The following XXYLT1 variants were observed in gnomAD, a reference collection of about 807,000 sequenced individuals.
XXYLT1 encodes UDP-xylose:alpha-xyloside alpha-1,3-xylosyltransferase.
XXYLT1 carries 20 observed loss-of-function variants against 28.9 expected under a neutral mutation model. That is an observed-to-expected ratio of 0.69 (90% CI 0.49 to 1.00). The LOEUF is 1.00. Ranked by LOEUF, XXYLT1 falls within the 50% of genes least tolerant of loss-of-function variation. The pLI, the probability that XXYLT1 is intolerant of heterozygous loss-of-function variation, is 0.00. For missense variants in XXYLT1, 542 were observed against 560.1 expected (o/e 0.97, Z 0.33); for synonymous variants, 257 against 253.8 (o/e 1.01, Z -0.12).
chr3:195,112,006 A>C lies in XXYLT1; in HGVS notation c.786-41895T>G, dbSNP rs1717744528. Among the ~76,000 whole-genome samples the C allele has an allele frequency of 2.0e-5, 3 of 152,320 alleles. No homozygotes were observed. The South Asian group carries it at 6.2e-4, about 32-fold the overall frequency. ...TGCCTCAGGAACTCATTTCTTCTAC[A>C]GTTTACTTGGCATTACTATCGCTGC... On this transcript the variant is annotated intron_variant, in intron 3 of 3. Coordinates refer to ENST00000310380, the MANE Select transcript of XXYLT1 (RefSeq NM_152531.5).
chr3:195,110,293 G>A (rs1717508542), intron 3 of XXYLT1, among the ~76,000 whole-genome samples: 14 of 882 alleles, frequency 0.016, 3 homozygotes, highest in African/African-American at 0.036. Flanking sequence ...GTGTATGTGT[G>A]CGTGTGTGGT....
At chr3:195,143,789 T>TATAA (rs1298592788) in intron 3 of XXYLT1, among the ~76,000 whole-genome samples, 3 of 121,122 alleles carry the variant, frequency 2.5e-5, no homozygotes, top group African/African-American at 9.8e-5. Flanking sequence ...TCTCATTATA[T>TATAA]ATATATATAT....
At chr3:195,098,365 A>G (rs1716570065) in intron 3 of XXYLT1, among the ~76,000 whole-genome samples, 1 of 152,166 alleles carries the variant, frequency 6.6e-6, no homozygotes, top group Non-Finnish European at 1.5e-5. Context: ...CATCCTGGCT[A>G]ACATGTTGAA....
chr3:195,177,833 G>A (rs990224792), intron 2 of XXYLT1, among the ~76,000 whole-genome samples: 90 of 151,914 alleles, frequency 5.9e-4, no homozygotes, highest in Non-Finnish European at 1.0e-4. Flanking sequence ...TACTCAGGAG[G>A]CTGAAGTGGG....
At chr3:195,155,362 C>T (rs966295086) in intron 3 of XXYLT1, among the ~76,000 whole-genome samples, 3 of 152,174 alleles carry the variant, frequency 2.0e-5, no homozygotes, top group Non-Finnish European at 4.4e-5. Flanking sequence ...AAGAGCGGGG[C>T]ATGCCTGCGG....
chr3:195,264,123 G>A (rs1042383051), intron 1 of XXYLT1, among the ~76,000 whole-genome samples: 1 of 152,194 alleles, frequency 6.6e-6, no homozygotes, highest in African/African-American at 2.4e-5. Context: ...AGAGCTGTCT[G>A]TGCCTCCAGA....
chr3:195,236,758 C>A lies in XXYLT1; in HGVS notation c.505-9902G>T, dbSNP rs550207575. Among the ~76,000 whole-genome samples the A allele has an allele frequency of 5.3e-5, 8 of 152,242 alleles. No homozygotes were observed. In the South Asian group the frequency reaches 1.2e-3, roughly 24 times the overall value. The stretch of plus-strand genomic sequence containing the variant: ...CACCCAAGGCCCATGGTATGTACTA[C>A]CTGGTTACCACTGCTGATTATTCAG... On this transcript the variant is annotated intron_variant, in intron 1 of 3. Coordinates refer to ENST00000310380, the MANE Select transcript of XXYLT1 (RefSeq NM_152531.5).
chr3:195,111,131 T>C (rs1717690955), intron 3 of XXYLT1, among the ~76,000 whole-genome samples: 1 of 152,014 alleles, frequency 6.6e-6, no homozygotes, highest in South Asian at 2.1e-4. Context: ...TCCCCTAGCT[T>C]CTGGTGGTTC....
rs762691989 is a variant in XXYLT1, at chr3:195,126,890, C to T, written c.785+29559G>A. On this transcript the variant is annotated intron_variant, in intron 3 of 3. Coordinates refer to ENST00000310380, the MANE Select transcript of XXYLT1 (RefSeq NM_152531.5). Reference sequence around the variant, plus strand: ...GTGATTTGATTTTCTTGCCTGGTTGCGATGCAGTTATGGTGTTATAAAACA... The same window carrying T: ...GTGATTTGATTTTCTTGCCTGGTTGTGATGCAGTTATGGTGTTATAAAACA... Among the ~76,000 whole-genome samples the T allele has an allele frequency of 6.6e-5, 10 of 152,146 alleles. No individual in the cohort carries two copies. In the East Asian group the frequency reaches 9.6e-4, roughly 15 times the overall value.
Position 195,110,020 on chromosome 3 carries a change from TGA to T in XXYLT1, c.786-39911_786-39910del, listed in dbSNP as rs1717431460. ...GCATGGTGTGTGGTTGTGTGTGGCA[TGA>T]GTGTGCATGTCTGGTGTATGTGTGC... On this transcript the variant is annotated intron_variant, in intron 3 of 3. Transcript: ENST00000310380. 3.3e-5 allele frequency among the ~76,000 whole-genome samples: 2 copies of T among 60,024 alleles called. 1 individual carries two copies. The highest frequency in any genetic ancestry group is 8.1e-5 in the Non-Finnish European group (2 of 24,810). 39.4% of individuals were successfully genotyped at this position (60,024 alleles called of 152,430 possible). A position where few individuals can be genotyped will look rare whatever the true frequency, so the allele number is the denominator to read the frequency against.
At chr3:195,249,237 G>A (rs1165876073) in intron 1 of XXYLT1, among the ~76,000 whole-genome samples, 1 of 152,146 alleles carries the variant, frequency 6.6e-6, no homozygotes, top group East Asian at 1.9e-4. Flanking sequence ...TTCACCTAAT[G>A]TCTCATCTAA....
intron 3 of XXYLT1, among the ~76,000 whole-genome samples, chr3:195,138,270 T>C (rs1259715222): frequency 6.6e-6 from 1 of 152,134 alleles, no homozygotes; most frequent in Admixed American, 6.5e-5. Flanking sequence ...AACTACAAGA[T>C]GTAATTAGAG....
At chr3:195,181,005 C>G (rs1053440499) in intron 2 of XXYLT1, among the ~76,000 whole-genome samples, 16 of 152,166 alleles carry the variant, frequency 1.1e-4, no homozygotes, top group African/African-American at 3.6e-4. Flanking sequence ...GGTGGTGACT[C>G]CAGGCCGTGA....
chr3:195,259,605 G>T (rs1725607395), intron 1 of XXYLT1: 1 of 985,464 alleles, frequency 1.0e-6, no homozygotes, highest in Non-Finnish European at 1.2e-6. Context: ...TCATCTCACC[G>T]CGAGGACAGT....
At chr3:195,097,444 CA>C (rs1716513979) in intron 3 of XXYLT1, among the ~76,000 whole-genome samples, 1 of 152,238 alleles carries the variant, frequency 6.6e-6, no homozygotes, top group African/African-American at 2.4e-5. Flanking sequence ...ACGTAGCTAG[CA>C]CCACGTGCCA....
intron 3 of XXYLT1, among the ~76,000 whole-genome samples, chr3:195,088,480 GA>G (rs1234539494): frequency 2.1e-5 from 3 of 141,478 alleles, no homozygotes; most frequent in Non-Finnish European, 4.7e-5. Flanking sequence ...CTGTTAGAAG[GA>G]AAACTAACAA....
intron 2 of XXYLT1, among the ~76,000 whole-genome samples, chr3:195,190,033 C>A: frequency 6.6e-6 from 1 of 151,784 alleles, no homozygotes; most frequent in Non-Finnish European, 1.5e-5. Flanking sequence ...ACAATGGAGA[C>A]CAGAAGGCAA....
chr3:195,211,546 C>G (rs1015785323), intron 2 of XXYLT1, among the ~76,000 whole-genome samples: 5 of 152,216 alleles, frequency 3.3e-5, no homozygotes, highest in African/African-American at 1.2e-4. Context: ...CTGTATCGCT[C>G]TGGGAACTGG....
Position 195,077,110 on chromosome 3 carries a change from C to T in XXYLT1, c.786-6999G>A, listed in dbSNP as rs547546563. Among the ~76,000 whole-genome samples the T allele has an allele frequency of 3.0e-4, 45 of 152,298 alleles. No individual in the cohort carries two copies. The highest frequency in any genetic ancestry group is 3.4e-3 in the Middle Eastern group (1 of 294). On this transcript the variant is annotated intron_variant, in intron 3 of 3. Coordinates refer to ENST00000310380, the MANE Select transcript of XXYLT1 (RefSeq NM_152531.5). The surrounding 1 kb of genome is among the most constrained non-coding windows in gnomAD (Gnocchi z 4.8). Reference sequence around the variant, plus strand: ...GGGCCCAGAACTGCCCTCAGCAAAACCCCAGCCCCTGCTGCTCTCAGTGGG... The same window carrying T: ...GGGCCCAGAACTGCCCTCAGCAAAATCCCAGCCCCTGCTGCTCTCAGTGGG...
Sources: gnomAD v4.1 joint callset for allele counts (sites outside exome capture counted in the v4.1 genomes callset) on GRCh38, gnomAD v4.1.1 for gene constraint, Gnocchi (gnomAD v3.1) non-coding constraint, MANE v1.5 for transcripts, NCBI Gene and HGNC (gene_info 2026-07-23, HGNC 2026-07-21) for gene names.